MYBL2: variants seen among roughly 807,000 people sequenced by gnomAD.
The protein encoded by MYBL2 is MYB proto-oncogene like 2, also known as myb-related protein B.
Under a neutral mutation model 79.9 loss-of-function variants are expected in MYBL2, and 28 were observed. The observed-to-expected ratio is 0.35, with a 90% CI of 0.26 to 0.48. The LOEUF is 0.48. Among genes scored for constraint, MYBL2 ranks in the 20% least tolerant of loss-of-function variants. The pLI is 0.99. For missense variants in MYBL2, 735 were observed against 893.9 expected, an observed-to-expected ratio of 0.82 and a Z score of 2.27; for synonymous variants, 378 against 361.2, an observed-to-expected ratio of 1.05 and a Z score of -0.53.
At chr20:43,698,176 C>A (rs1600557378) in intron 6 of MYBL2, among the ~76,000 whole-genome samples, 1 of 117,350 alleles carries the variant, frequency 8.5e-6, no homozygotes, top group Non-Finnish European at 1.8e-5. Flanking sequence ...AGCTTTTTTT[C>A]TTTATTTTAT....
intron 5 of MYBL2, among the ~76,000 whole-genome samples, chr20:43,690,293 C>T (rs113007095): frequency 0.021 from 3,268 of 152,018 alleles, 133 homozygotes; most frequent in African/African-American, 0.074. Context: ...GCAACCTCCG[C>T]GTCCCAGGTT....
At chr20:43,678,883 CA>C (rs1987079237) in intron 2 of MYBL2, among the ~76,000 whole-genome samples, 1 of 120,558 alleles carries the variant, frequency 8.3e-6, no homozygotes, top group African/African-American at 3.2e-5. Context: ...AAGAAAAAAA[CA>C]TATAGAGCAC....
intron 7 of MYBL2, 111 bp downstream of exon 7, chr20:43,700,155 G>T: frequency 7.1e-7 from 1 of 1,403,844 alleles, no homozygotes; most frequent in Non-Finnish European, 9.7e-7. Flanking sequence ...AACAGTTACT[G>T]ACTTGATGCT....
chr20:43,698,023 AC>A (rs1987585275), intron 6 of MYBL2, among the ~76,000 whole-genome samples: 1 of 139,470 alleles, frequency 7.2e-6, no homozygotes, highest in Non-Finnish European at 1.5e-5. Context: ...GTAACAAATT[AC>A]CCCTTAATTT....
chr20:43,707,679 A>G (rs938286550), intron 9 of MYBL2, among the ~76,000 whole-genome samples: 3 of 152,098 alleles, frequency 2.0e-5, no homozygotes, highest in African/African-American at 7.2e-5. Flanking sequence ...GTGAGCTGTA[A>G]TCCAGCTGTT....
intron 4 of MYBL2, among the ~76,000 whole-genome samples, chr20:43,683,321 A>C (rs1480621778): frequency 6.6e-6 from 1 of 152,162 alleles, no homozygotes; most frequent in Non-Finnish European, 1.5e-5. Flanking sequence ...TGATCGCCAC[A>C]GCAGTCCTGT....
At chr20:43,711,136 G>C (rs1228609892) in intron 10 of MYBL2, among the ~76,000 whole-genome samples, 1 of 152,158 alleles carries the variant, frequency 6.6e-6, no homozygotes, top group Non-Finnish European at 1.5e-5. Flanking sequence ...GCTTTGAGCT[G>C]TCGGGGTCCT....
intron 3 of MYBL2, among the ~76,000 whole-genome samples, chr20:43,682,585 G>A (rs1161221883): frequency 6.6e-6 from 1 of 152,182 alleles, no homozygotes; most frequent in African/African-American, 2.4e-5. Context: ...ACAGGGGACC[G>A]AGTTTGCCCT....
chr20:43,681,750 G>T, intron 2 of MYBL2, 34 bp from the exon 3 acceptor site: 1 of 1,611,478 alleles, frequency 6.2e-7, no homozygotes. Flanking sequence ...CTGCACGTAT[G>T]TGTGCTGAGC....
intron 5 of MYBL2, among the ~76,000 whole-genome samples, chr20:43,688,352 C>T (rs1239517141): frequency 2.6e-5 from 4 of 152,000 alleles, no homozygotes; most frequent in Admixed American, 1.3e-4. Context: ...CAGGTCTGTG[C>T]CACCATGCCT....
At chr20:43,690,912 T>A (rs1987391686) in intron 5 of MYBL2, among the ~76,000 whole-genome samples, 1 of 152,212 alleles carries the variant, frequency 6.6e-6, no homozygotes, top group Non-Finnish European at 1.5e-5. Flanking sequence ...ACTATACTTC[T>A]ATACACTTTT....
intron 7 of MYBL2, among the ~76,000 whole-genome samples, chr20:43,701,029 C>T (rs1987665246): frequency 6.6e-6 from 1 of 152,176 alleles, no homozygotes. Context: ...CTTAGTTGGT[C>T]TTTAACAGCC....
intron 4 of MYBL2, among the ~76,000 whole-genome samples, chr20:43,685,147 CAAAAAAAA>C (rs112163259): frequency 7.7e-6 from 1 of 129,728 alleles, no homozygotes; most frequent in Non-Finnish European, 1.6e-5. Context: ...AACTCTGTCT[CAAAAAAAA>C]AAAAAAAAGA....
chr20:43,697,054 G>A (rs1257886032), intron 6 of MYBL2, among the ~76,000 whole-genome samples: 1 of 33,566 alleles, frequency 3.0e-5, no homozygotes, highest in Non-Finnish European at 8.5e-5. Context: ...GAATGATTGG[G>A]TAAAATAGTG....
chr20:43,674,214 A>G, intron 2 of MYBL2, among the ~76,000 whole-genome samples: 1 of 135,330 alleles, frequency 7.4e-6, no homozygotes, highest in Non-Finnish European at 1.6e-5. Flanking sequence ...GGTTTGGCCA[A>G]ATCTGTAACT....
intron 9 of MYBL2, 138 bp downstream of exon 9, chr20:43,705,496 T>C (rs1987760116): frequency 9.8e-7 from 1 of 1,017,160 alleles, no homozygotes; most frequent in Non-Finnish European, 1.3e-6. Flanking sequence ...GAAAGCCCTC[T>C]CCTTTCTGGC....
intron 5 of MYBL2, among the ~76,000 whole-genome samples, chr20:43,687,379 C>T (rs1282664215): frequency 6.6e-6 from 1 of 152,210 alleles, no homozygotes; most frequent in African/African-American, 2.4e-5. Flanking sequence ...AGCCTCTTCT[C>T]TTCGACTTCA....
intron 6 of MYBL2, among the ~76,000 whole-genome samples, chr20:43,698,080 T>TTTTTTTG (rs149530290): frequency 2.4e-5 from 3 of 122,516 alleles, no homozygotes; most frequent in African/African-American, 6.2e-5. Flanking sequence ...TTTTTTTTTT[T>TTTTTTTG]ATCTTGTTAC....
chr20:43,686,494 C>T (rs1012172888), intron 4 of MYBL2, among the ~76,000 whole-genome samples: 8 of 152,208 alleles, frequency 5.3e-5, no homozygotes. Flanking sequence ...TGTTCCTCCT[C>T]ATCCCTCTGC....
Sources: allele counts gnomAD v4.1 joint callset (sites outside exome capture counted in the v4.1 genomes callset), GRCh38; gene constraint gnomAD v4.1.1; transcripts MANE v1.5; gene names NCBI Gene and HGNC (gene_info 2026-07-23, HGNC 2026-07-21).